Variants in ME1 observed in about 807,000 individuals in gnomAD.
ME1 encodes the protein malic enzyme 1.
ME1 carries 74 observed loss-of-function variants against 66.4 expected under a neutral mutation model. That is an observed-to-expected ratio of 1.11 (90% confidence interval 0.92 to 1.35). The LOEUF (loss-of-function observed/expected upper bound fraction) is 1.35, where lower values mean the gene tolerates loss of function less well. ME1 is among the 40% of genes most tolerant of loss of function. The pLI, the probability that ME1 is intolerant of heterozygous loss-of-function variation, is 0.00. For missense variants in ME1, 750 were observed against 694.1 expected, an observed-to-expected ratio of 1.08 and a Z score of -0.90; for synonymous variants, 251 against 235.6, an observed-to-expected ratio of 1.07 and a Z score of -0.60.
At chr6:83,291,013 C>G (rs1265589877) in intron 6 of ME1, among the ~76,000 whole-genome samples, 1 of 152,038 alleles carries the variant, frequency 6.6e-6, no homozygotes, top group Non-Finnish European at 1.5e-5. Context: ...TGATGTGTGT[C>G]TCTGCACGTG....
At chr6:83,287,553 T>G (rs1473333984) in intron 6 of ME1, among the ~76,000 whole-genome samples, 5 of 152,228 alleles carry the variant, frequency 3.3e-5, no homozygotes, top group African/African-American at 9.6e-5. Context: ...CAGTCTATCA[T>G]TGATGGACAT....
At chr6:83,246,581 A>G (rs1312555078) in intron 7 of ME1, among the ~76,000 whole-genome samples, 2 of 152,116 alleles carry the variant, frequency 1.3e-5, no homozygotes, top group African/African-American at 4.8e-5. Context: ...GTACAGTTAT[A>G]ATATTCCATA....
At chr6:83,430,777 G>C in intron 1 of ME1, 100 bp downstream of exon 1, 2 of 1,061,622 alleles carry the variant, frequency 1.9e-6, no homozygotes, top group Non-Finnish European at 2.7e-6. Flanking sequence ...CTTCCCAGGG[G>C]AGCGGCGGAG....
chr6:83,414,133 TA>T (rs929442643), intron 1 of ME1, among the ~76,000 whole-genome samples: 18 of 128,004 alleles, frequency 1.4e-4, no homozygotes, highest in African/African-American at 5.0e-4. Flanking sequence ...AAAAAAAAAC[TA>T]AAAAAATTTA....
At chr6:83,366,724 A>T (rs1450433480) in intron 3 of ME1, among the ~76,000 whole-genome samples, 2 of 152,174 alleles carry the variant, frequency 1.3e-5, no homozygotes, top group South Asian at 2.1e-4. Flanking sequence ...GATAGTTCAG[A>T]TCTAAATAGC....
Position 83,334,394 on chromosome 6 carries a change from C to G in ME1, c.600+11779G>C, listed in dbSNP as rs1418841753. 5.4e-5 allele frequency among the ~76,000 whole-genome samples: 4 copies of G among 73,634 alleles called. No individual in the cohort carries two copies. The East Asian group carries it at 1.4e-3, about 26-fold the overall frequency. The allele number at this position is 73,634 out of a possible 152,430, so 48.3% of individuals were successfully genotyped here. A position where few individuals can be genotyped will look rare whatever the true frequency, so the allele number is the denominator to read the frequency against. ...GGCGGCAACGAGGCTGGGGGAGGGG[C>G]GCCCGCCATTGCCCAGGCTTGCTTA... On this transcript the variant is annotated intron_variant, in intron 5 of 13. Transcript: ENST00000369705.
At chr6:83,231,947 T>C (rs1453600882) in intron 9 of ME1, among the ~76,000 whole-genome samples, 2 of 152,244 alleles carry the variant, frequency 1.3e-5, no homozygotes, top group African/African-American at 4.8e-5. Context: ...TATATTGTGA[T>C]GATTCTTACT....
At chr6:83,222,344 T>C (rs1348840615) in intron 12 of ME1, among the ~76,000 whole-genome samples, 3 of 152,202 alleles carry the variant, frequency 2.0e-5, no homozygotes, top group Admixed American at 6.5e-5. Context: ...TCTCATAGAA[T>C]GACACCGGGT....
Position 83,247,355 on chromosome 6 carries a change from AT to A in ME1, c.814+6273del, listed in dbSNP as rs546129970. Reference sequence around the variant, plus strand: ...ATTTCTTAATAGATTCAATTTATGCATTTTTTCCAGTTTAAAATAATTTATA... The same window carrying A: ...ATTTCTTAATAGATTCAATTTATGCATTTTTCCAGTTTAAAATAATTTATA... On this transcript the variant is annotated intron_variant, in intron 7 of 13. Transcript: ENST00000369705. 6.1e-3 allele frequency among the ~76,000 whole-genome samples: 922 copies of A among 152,092 alleles called. 6 individuals carry two copies. The highest frequency in any genetic ancestry group is 0.025 in the South Asian group (120 of 4,824).
At chr6:83,266,100 G>A (rs1766985116) in intron 6 of ME1, among the ~76,000 whole-genome samples, 1 of 152,116 alleles carries the variant, frequency 6.6e-6, no homozygotes, top group Non-Finnish European at 1.5e-5. Context: ...AACATTAGCA[G>A]TTATCATTGT....
At chr6:83,315,683 G>T (rs1009339584) in intron 5 of ME1, among the ~76,000 whole-genome samples, 6 of 152,158 alleles carry the variant, frequency 3.9e-5, no homozygotes, top group African/African-American at 1.4e-4. Context: ...CAGATCACGA[G>T]GTCAGGAGAT....
In ME1 at chr6:83,346,129, A is replaced by AT. The variant is rs772189515; in HGVS notation, c.600+43dup. On this transcript the variant is annotated intron_variant, in intron 5 of 13. Transcript: ENST00000369705. ...AGTTCAAAATGCAAGAATTGATGCC[A>AT]TTTTTAAAGGTACATAGCTGCCTTA... 9 of 1,414,054 alleles carry AT rather than the reference A, an allele frequency of 6.4e-6. No individual in the cohort carries two copies. The African/African-American group carries it at 1.3e-4, about 21-fold the overall frequency. The allele number at this position is 1,414,054 out of a possible 1,614,324, so 87.6% of individuals were successfully genotyped here.
At chr6:83,343,542 G>C (rs1186345803) in intron 5 of ME1, among the ~76,000 whole-genome samples, 1 of 152,094 alleles carries the variant, frequency 6.6e-6, no homozygotes, top group Non-Finnish European at 1.5e-5. Context: ...TTTAACAGTA[G>C]ATTCATTTAG....
intron 13 of ME1, among the ~76,000 whole-genome samples, chr6:83,213,657 G>A (rs1004503669): frequency 1.6e-4 from 24 of 152,090 alleles, no homozygotes; most frequent in Middle Eastern, 3.4e-3. Context: ...GTGAGCCACC[G>A]TGCCCAGCCG....
chr6:83,290,871 T>C (rs1242132575), intron 6 of ME1, among the ~76,000 whole-genome samples: 2 of 152,212 alleles, frequency 1.3e-5, no homozygotes, highest in East Asian at 1.9e-4. Flanking sequence ...TTTACCATTA[T>C]GTAATGGCCT....
At chr6:83,238,769 T>C (rs1790457584) in intron 8 of ME1, among the ~76,000 whole-genome samples, 1 of 145,350 alleles carries the variant, frequency 6.9e-6, no homozygotes, top group African/African-American at 2.5e-5. Flanking sequence ...CATAATCATA[T>C]TCAATTTGAA....
At chr6:83,411,452 C>CT (rs1295870930) in intron 1 of ME1, among the ~76,000 whole-genome samples, 1 of 151,654 alleles carries the variant, frequency 6.6e-6, no homozygotes, top group East Asian at 1.9e-4. Flanking sequence ...AATAAGTAAA[C>CT]TTAAATCTTA....
At chr6:83,349,721 A>G (rs1768762441) in intron 4 of ME1, among the ~76,000 whole-genome samples, 1 of 152,206 alleles carries the variant, frequency 6.6e-6, no homozygotes, top group African/African-American at 2.4e-5. Flanking sequence ...TCCTTGTTAA[A>G]TATGACATTC....
At chr6:83,408,985 G>C in intron 1 of ME1, among the ~76,000 whole-genome samples, 1 of 152,150 alleles carries the variant, frequency 6.6e-6, no homozygotes, top group East Asian at 1.9e-4. Context: ...CCTTTGGGAG[G>C]TGATTAGGTC....
Sources: gnomAD v4.1 joint callset for allele counts (sites outside exome capture counted in the v4.1 genomes callset) on GRCh38, gnomAD v4.1.1 for gene constraint, MANE v1.5 for transcripts, NCBI Gene and HGNC (gene_info 2026-07-23, HGNC 2026-07-21) for gene names.